SCTR: variants seen among roughly 807,000 people sequenced by gnomAD.
SCTR encodes the protein secretin receptor, also known as pancreatic secretin receptor.
SCTR carries 56 observed loss-of-function variants against 60.8 expected under a neutral mutation model. The observed-to-expected ratio is 0.92, with a 90% confidence interval of 0.74 to 1.15. The LOEUF (loss-of-function observed/expected upper bound fraction) is 1.15, where lower values mean the gene tolerates loss of function less well. Ranked by LOEUF, SCTR falls within the 50% of genes most tolerant of loss-of-function variation. SCTR has a pLI of 0.00. For missense variants in SCTR, 562 were observed against 550.4 expected, an observed-to-expected ratio of 1.02 and a Z score of -0.21; for synonymous variants, 202 against 217.0, an observed-to-expected ratio of 0.93 and a Z score of 0.61.
At position 119,489,859 on chromosome 2, in the gene SCTR, G is replaced by A. The variant is rs78043757; in HGVS notation, c.193+4569C>T. On this transcript the variant is annotated intron_variant, in intron 2 of 12. Coordinates refer to ENST00000019103, the MANE Select transcript of SCTR (RefSeq NM_002980.3). ...CTCATCCTGGAACCACTGGAGAACA[G>A]TGGGACATTTTAAACACATGTTATG... 4.2e-3 allele frequency among the ~76,000 whole-genome samples: 635 copies of A among 152,336 alleles called. 4 individuals are homozygous for A. The highest frequency in any genetic ancestry group is 0.014 in the African/African-American group (585 of 41,574).
intron 7 of SCTR, 79 bp from the exon 8 acceptor site, chr2:119,453,426 T>C: frequency 1.8e-6 from 2 of 1,130,590 alleles, no homozygotes; most frequent in Non-Finnish European, 1.3e-6. Flanking sequence ...GGACAATTGG[T>C]TACCCCAGCC....
chr2:119,471,763 G>A (rs1677026971), intron 4 of SCTR, among the ~76,000 whole-genome samples: 1 of 152,164 alleles, frequency 6.6e-6, no homozygotes, highest in African/African-American at 2.4e-5. Context: ...CACATCTTAT[G>A]GGGAGGTATC....
chr2:119,509,105 T>C (rs140039203), intron 1 of SCTR, among the ~76,000 whole-genome samples: 230 of 152,324 alleles, frequency 1.5e-3, no homozygotes, highest in African/African-American at 5.2e-3. Flanking sequence ...CCATGGTCAA[T>C]GGGACGTTAG....
At chr2:119,480,422 T>G (rs1330850639) in intron 2 of SCTR, among the ~76,000 whole-genome samples, 1 of 152,158 alleles carries the variant, frequency 6.6e-6, no homozygotes, top group Non-Finnish European at 1.5e-5. Flanking sequence ...GAGAACAGCA[T>G]GGGAGAAACC....
In SCTR at chr2:119,524,347, C is replaced by A. The variant is rs888427121; in HGVS notation, c.-121G>T. 2 of 614,248 alleles carry A rather than the reference C, an allele frequency of 3.3e-6. No homozygotes were observed. The highest frequency in any genetic ancestry group is 2.4e-6 in the Non-Finnish European group (1 of 409,052). The allele number at this position is 614,248 out of a possible 1,614,324, so 38.0% of individuals were successfully genotyped here. ...CGGCCGGCCGCTGCGCCCCGAGGAG[C>A]CATGGCTGAGCCACCCGACCTGCGG... On this transcript the variant is annotated 5_prime_UTR_variant, in exon 1 of 13. Coordinates refer to ENST00000019103, the MANE Select transcript of SCTR (RefSeq NM_002980.3).
At chr2:119,442,555 C>T (rs1335607473) in intron 11 of SCTR, among the ~76,000 whole-genome samples, 1 of 152,194 alleles carries the variant, frequency 6.6e-6, no homozygotes, top group East Asian at 1.9e-4. Flanking sequence ...CGATGGTGGG[C>T]TTAATATGTA....
chr2:119,522,891 G>A (rs201637956), intron 1 of SCTR, among the ~76,000 whole-genome samples: 1 of 152,252 alleles, frequency 6.6e-6, no homozygotes, highest in South Asian at 2.1e-4. Flanking sequence ...GTCTTCCAAG[G>A]CCAGCACTGC....
intron 2 of SCTR, chr2:119,486,591 G>A (rs57872086): frequency 0.12 from 17,986 of 152,204 alleles, 1,297 homozygotes; most frequent in South Asian, 0.25. Flanking sequence ...TCTCTCGGGA[G>A]GGTAAGGTTA....
In SCTR at chr2:119,512,305, T is replaced by C. The variant is rs141881494; in HGVS notation, c.72+11850A>G. Among the ~76,000 whole-genome samples, 181 of 114,790 alleles carry C rather than the reference T, an allele frequency of 1.6e-3. 4 individuals are homozygous for C. The highest frequency in any genetic ancestry group is 6.4e-3 in the African/African-American group (178 of 28,000). 75.3% of individuals were successfully genotyped at this position (114,790 alleles called of 152,430 possible). ...GTCTTCGTGATCTTCTTCCTCTTCC[T>C]CTTCCCCTTCCCCTTCCCCTTCCCC... On this transcript the variant is annotated intron_variant, in intron 1 of 12. Transcript: ENST00000019103.
intron 1 of SCTR, among the ~76,000 whole-genome samples, chr2:119,506,505 A>G (rs1291681837): frequency 6.6e-6 from 1 of 151,224 alleles, no homozygotes; most frequent in Non-Finnish European, 1.5e-5. Flanking sequence ...TTTTAGAGAC[A>G]GGGTCTCGCT....
At chr2:119,473,424 G>A in intron 4 of SCTR, 29 bp downstream of exon 4, 2 of 1,525,808 alleles carry the variant, frequency 1.3e-6, no homozygotes, top group Non-Finnish European at 1.8e-6. Flanking sequence ...CTGTCCCCGG[G>A]TTCGTGGGGT....
chr2:119,473,652 C>G (rs868415955), intron 3 of SCTR, 96 bp from the exon 4 acceptor site: 2 of 796,442 alleles, frequency 2.5e-6, no homozygotes, highest in Middle Eastern at 2.3e-4. Context: ...TACAACCACT[C>G]TATAGTGTGG....
At chr2:119,493,825 G>C (rs1199445798) in intron 2 of SCTR, among the ~76,000 whole-genome samples, 1 of 151,960 alleles carries the variant, frequency 6.6e-6, no homozygotes, top group African/African-American at 2.4e-5. Flanking sequence ...ATTTTTAGTA[G>C]AGGTGGGGTT....
At chr2:119,473,425 T>C (rs1314295046) in intron 4 of SCTR, 28 bp downstream of exon 4, 14 of 1,514,952 alleles carry the variant, frequency 9.2e-6, no homozygotes, top group Middle Eastern at 1.7e-4. Context: ...TGTCCCCGGG[T>C]TCGTGGGGTG....
intron 3 of SCTR, among the ~76,000 whole-genome samples, chr2:119,474,702 G>A (rs1222615701): frequency 6.6e-6 from 1 of 152,234 alleles, no homozygotes; most frequent in Non-Finnish European, 1.5e-5. Flanking sequence ...GTGCCCCACT[G>A]AAGGAGGTGC....
chr2:119,458,906 G>A (rs1683487749), intron 7 of SCTR, among the ~76,000 whole-genome samples: 1 of 152,198 alleles, frequency 6.6e-6, no homozygotes, highest in Non-Finnish European at 1.5e-5. Context: ...AACCGCCAGT[G>A]CCAGCCGCTC....
intron 1 of SCTR, among the ~76,000 whole-genome samples, chr2:119,503,115 C>T (rs541570211): frequency 1.1e-4 from 16 of 140,854 alleles, no homozygotes; most frequent in East Asian, 6.2e-4. Context: ...GCCAAGATAG[C>T]GCCAGTGCAC....
At chr2:119,518,070 G>C (rs918542465) in intron 1 of SCTR, among the ~76,000 whole-genome samples, 1 of 152,158 alleles carries the variant, frequency 6.6e-6, no homozygotes, top group Non-Finnish European at 1.5e-5. Flanking sequence ...TGAGGACAAA[G>C]TGGCCATGTG....
At position 119,466,474 on chromosome 2, in the gene SCTR, G is replaced by A. The variant is rs374322201; in HGVS notation, c.406-588C>T. On this transcript the variant is annotated intron_variant, in intron 4 of 12. Transcript: ENST00000019103. ...TGTCAAATATTCCCTGTGTCAGGTC[G>A]GGTGCGTTGGCTCATGCCTGTAATC... Among the ~76,000 whole-genome samples the A allele has an allele frequency of 1.2e-4, 19 of 152,204 alleles. No individual in the cohort carries two copies. In the East Asian group the frequency reaches 2.7e-3, roughly 22 times the overall value.
Sources: allele counts gnomAD v4.1 joint callset (sites outside exome capture counted in the v4.1 genomes callset), GRCh38; gene constraint gnomAD v4.1.1; transcripts MANE v1.5; gene names NCBI Gene and HGNC (gene_info 2026-07-23, HGNC 2026-07-21).